The following SMIM13 variants were observed in gnomAD, a reference collection of about 807,000 sequenced individuals.
The protein encoded by SMIM13 is small integral membrane protein 13, also known as UPF0766 protein C6orf228.
A neutral mutation model predicts 5.9 loss-of-function variants in SMIM13; 3 were observed. That is an observed-to-expected ratio of 0.51 (90% CI 0.23 to 1.31). The LOEUF (loss-of-function observed/expected upper bound fraction) is 1.31, where lower values mean the gene tolerates loss of function less well. SMIM13 is among the 40% of genes most tolerant of loss of function. The probability of loss-of-function intolerance (pLI) is 0.18; values close to 1 mark genes in which losing one functional copy is unlikely to be tolerated. For missense variants in SMIM13, 85 were observed against 109.9 expected, an observed-to-expected ratio of 0.77 and a Z score of 1.01; for synonymous variants, 55 against 46.0, an observed-to-expected ratio of 1.19 and a Z score of -0.79.
chr6:11,118,210 A>G (rs1758266370), intron 1 of SMIM13, among the ~76,000 whole-genome samples: 1 of 152,188 alleles, frequency 6.6e-6, no homozygotes, highest in South Asian at 2.1e-4. Context: ...ATATATAATC[A>G]AAAGGAATGT....
chr6:11,118,705 G>T (rs1032928242), intron 1 of SMIM13, among the ~76,000 whole-genome samples: 4 of 152,176 alleles, frequency 2.6e-5, no homozygotes, highest in Admixed American at 6.5e-5. Context: ...AGTTACAGTG[G>T]TAGTAGTCTC....
intron 1 of SMIM13, among the ~76,000 whole-genome samples, chr6:11,095,110 G>A (rs547085334): frequency 6.6e-6 from 1 of 152,278 alleles, no homozygotes; most frequent in East Asian, 1.9e-4. Context: ...TAGCAAAGTG[G>A]CTAAGCAATT....
Position 11,138,393 on chromosome 6 carries a change from C to T in SMIM13, c.*3791C>T, listed in dbSNP as rs969621007. 3 of 152,136 alleles carry T rather than the reference C, an allele frequency of 2.0e-5. No homozygotes were observed. The highest frequency in any genetic ancestry group is 4.8e-5 in the African/African-American group (2 of 41,430). 9.4% of individuals were successfully genotyped at this position (152,136 alleles called of 1,614,324 possible). ...TCATTTGTTGGTGTACATGTGCTAC[C>T]TGTTTTATGGGGAATGTTTAACACG... On this transcript the variant is annotated 3_prime_UTR_variant, in exon 2 of 2. Coordinates refer to ENST00000416247, the MANE Select transcript of SMIM13 (RefSeq NM_001135575.2).
intron 1 of SMIM13, among the ~76,000 whole-genome samples, chr6:11,099,028 C>T (rs1211571269): frequency 6.6e-6 from 1 of 152,122 alleles, no homozygotes; most frequent in Non-Finnish European, 1.5e-5. Context: ...TATTATGTTT[C>T]TATAATATAC....
At chr6:11,111,383 C>T (rs531772003) in intron 1 of SMIM13, among the ~76,000 whole-genome samples, 1 of 152,240 alleles carries the variant, frequency 6.6e-6, no homozygotes, top group South Asian at 2.1e-4. Flanking sequence ...GCAGAGGAAA[C>T]CCCAGATACT....
At chr6:11,126,527 G>A (rs1276722622) in intron 1 of SMIM13, among the ~76,000 whole-genome samples, 2 of 152,066 alleles carry the variant, frequency 1.3e-5, no homozygotes, top group African/African-American at 4.8e-5. Flanking sequence ...TATCTGATAG[G>A]TTTCAAATTC....
intron 1 of SMIM13, chr6:11,104,351 GC>G (rs1263640984): frequency 6.4e-7 from 1 of 1,551,600 alleles, no homozygotes; most frequent in African/African-American, 1.4e-5. Context: ...GGGTTACATA[GC>G]CTATGGTACA....
chr6:11,134,716 T>G lies in SMIM13; in HGVS notation c.*114T>G. 4.8e-6 allele frequency: 4 copies of G among 841,652 alleles called. No homozygotes were observed. Among genetic ancestry groups the G allele is most frequent in the Non-Finnish European group, 6.7e-6 (4 of 594,578 alleles). The allele number at this position is 841,652 out of a possible 1,614,324, so 52.1% of individuals were successfully genotyped here. ...TTGTATTGGATTTTAAGTCGAATTT[T>G]AAAAAAGATTTACATGTAAGCCATA... On this transcript the variant is annotated 3_prime_UTR_variant, in exon 2 of 2. Transcript: ENST00000416247.
intron 1 of SMIM13, among the ~76,000 whole-genome samples, chr6:11,119,406 G>A (rs62395439): frequency 6.6e-6 from 1 of 152,122 alleles, no homozygotes; most frequent in African/African-American, 2.4e-5. Context: ...TGTAATCCCA[G>A]CACTTTGGGA....
At chr6:11,118,796 T>C (rs1408100875) in intron 1 of SMIM13, among the ~76,000 whole-genome samples, 5 of 152,246 alleles carry the variant, frequency 3.3e-5, no homozygotes, top group East Asian at 1.9e-4. Context: ...TGAGTACTTA[T>C]TATGTTTTAG....
At chr6:11,116,982 C>CTTTTTTTTTTTTTTTTTTTTTTTTT (rs68092921) in intron 1 of SMIM13, among the ~76,000 whole-genome samples, 2 of 46,446 alleles carry the variant, frequency 4.3e-5, no homozygotes, top group African/African-American at 9.0e-5. Flanking sequence ...ATAATTGTTT[C>CTTTTTTTTTTTTTTTTTTTTTTTTT]TTTTTTTTTT....
intron 1 of SMIM13, among the ~76,000 whole-genome samples, chr6:11,101,577 C>T (rs114328349): frequency 2.2e-3 from 331 of 151,902 alleles, no homozygotes; most frequent in African/African-American, 7.7e-3. Flanking sequence ...TGGAGTGGGC[C>T]GATTGATTGG....
chr6:11,097,687 T>A (rs2113636269), intron 1 of SMIM13, among the ~76,000 whole-genome samples: 1 of 151,446 alleles, frequency 6.6e-6, no homozygotes, highest in African/African-American at 2.4e-5. Flanking sequence ...AAAAAAAACC[T>A]TATCTCCAAA....
rs1758520009 is a variant in SMIM13, at chr6:11,136,602, A to G, written c.*2000A>G. 1 of 152,150 alleles carries G rather than the reference A, an allele frequency of 6.6e-6. No homozygotes were observed. Among genetic ancestry groups the G allele is most frequent in the Admixed American group, 6.5e-5 (1 of 15,270 alleles). 9.4% of individuals were successfully genotyped at this position (152,150 alleles called of 1,614,324 possible). ...TTGCTATATTGTAGCTCTTGGAGAT[A>G]CTAAAAGAGAATTCACAGAACATAA... On this transcript the variant is annotated 3_prime_UTR_variant, in exon 2 of 2. Transcript: ENST00000416247.
chr6:11,130,378 G>C (rs1167289818), intron 1 of SMIM13, among the ~76,000 whole-genome samples: 1 of 152,086 alleles, frequency 6.6e-6, no homozygotes, highest in Non-Finnish European at 1.5e-5. Flanking sequence ...GTGAGAAACA[G>C]TGTAACTACT....
At chr6:11,115,141 G>GT (rs1188854860) in intron 1 of SMIM13, among the ~76,000 whole-genome samples, 22 of 152,268 alleles carry the variant, frequency 1.4e-4, no homozygotes, top group African/African-American at 4.1e-4. Flanking sequence ...TATTACATGA[G>GT]TTGGGTACTG....
intron 1 of SMIM13, among the ~76,000 whole-genome samples, chr6:11,121,890 T>A (rs1162120503): frequency 2.0e-5 from 3 of 151,244 alleles, no homozygotes; most frequent in Non-Finnish European, 4.4e-5. Context: ...CTGGCCAGTT[T>A]CTTTGTTGCT....
At chr6:11,110,030 C>G (rs560771548) in intron 1 of SMIM13, among the ~76,000 whole-genome samples, 2 of 152,168 alleles carry the variant, frequency 1.3e-5, no homozygotes, top group Non-Finnish European at 2.9e-5. Context: ...TTACCAGGTA[C>G]CCCTAACCTT....
At chr6:11,104,504 T>A in intron 1 of SMIM13, 1 of 1,559,146 alleles carries the variant, frequency 6.4e-7, no homozygotes, top group Non-Finnish European at 8.7e-7. Context: ...AGACTGCTGA[T>A]ATGCCCAGGT....
Sources: gnomAD v4.1 joint callset for allele counts (sites outside exome capture counted in the v4.1 genomes callset) on GRCh38, gnomAD v4.1.1 for gene constraint, MANE v1.5 for transcripts, NCBI Gene and HGNC (gene_info 2026-07-23, HGNC 2026-07-21) for gene names.